DHX57: variants seen among roughly 807,000 people sequenced by gnomAD.
DHX57 encodes putative ATP-dependent RNA helicase DHX57.
In DHX57, 105 loss-of-function variants were observed where a neutral mutation model predicts 156.2. The ratio of observed to expected loss-of-function variants is 0.67; its 90% CI spans 0.57 to 0.79. The LOEUF (loss-of-function observed/expected upper bound fraction) is 0.79. DHX57 is among the 30% of genes least tolerant of loss of function. DHX57 has a pLI of 0.00. For synonymous variants in DHX57, 704 were observed against 595.6 expected, an observed-to-expected ratio of 1.18 and a Z score of -2.65; for missense variants, 1,847 against 1,661.9, an observed-to-expected ratio of 1.11 and a Z score of -1.94.
intron 5 of DHX57, among the ~76,000 whole-genome samples, chr2:38,859,510 T>C (rs1382761533): frequency 9.9e-5 from 15 of 152,206 alleles, no homozygotes; most frequent in Admixed American, 9.8e-4. Context: ...TTGAATTGTG[T>C]ATTTTAAAAG....
intron 19 of DHX57, 126 bp downstream of exon 19, chr2:38,818,750 TA>T: frequency 1.8e-6 from 2 of 1,095,252 alleles, no homozygotes; most frequent in Non-Finnish European, 2.6e-6. Flanking sequence ...ACACGGCTGG[TA>T]AGGCCAAACA....
intron 21 of DHX57, among the ~76,000 whole-genome samples, chr2:38,813,411 C>G (rs1489212677): frequency 6.6e-6 from 1 of 151,406 alleles, no homozygotes; most frequent in Non-Finnish European, 1.5e-5. Context: ...CCATCTGTCA[C>G]CCAGGCTGGA....
chr2:38,801,891 C>T (rs941175361), intron 23 of DHX57, among the ~76,000 whole-genome samples: 1 of 152,132 alleles, frequency 6.6e-6, no homozygotes, highest in African/African-American at 2.4e-5. Context: ...GCCACCGCAC[C>T]TGGGTGAAGT....
intron 9 of DHX57, among the ~76,000 whole-genome samples, chr2:38,852,774 C>T (rs757063864): frequency 1.3e-5 from 2 of 152,018 alleles, no homozygotes; most frequent in Non-Finnish European, 2.9e-5. Flanking sequence ...ACCACTGTGT[C>T]TGGCAAGAAT....
At chr2:38,817,911 T>C (rs1001984504) in intron 19 of DHX57, among the ~76,000 whole-genome samples, 4 of 151,396 alleles carry the variant, frequency 2.6e-5, no homozygotes, top group African/African-American at 9.7e-5. Context: ...TTTCCGAGGA[T>C]GGTCTCAAAT....
At chr2:38,857,371 A>G (rs953524859) in intron 6 of DHX57, among the ~76,000 whole-genome samples, 1 of 152,192 alleles carries the variant, frequency 6.6e-6, no homozygotes, top group South Asian at 2.1e-4. Context: ...ATGCTATAAA[A>G]ATTGCCTTGT....
chr2:38,847,304 T>G lies in DHX57; in HGVS notation c.2165-231A>C, dbSNP rs72911302. ...AGAGAAATGATCCTTTGCTAAGACT[T>G]TTTTTCTTTTACCTGTTACACCTTT... On this transcript the variant is annotated intron_variant, in intron 10 of 23. Coordinates refer to ENST00000457308, the MANE Select transcript of DHX57 (RefSeq NM_198963.3). 4.1e-3 allele frequency among the ~76,000 whole-genome samples: 618 copies of G among 152,250 alleles called. 3 individuals are homozygous for G. Among genetic ancestry groups the G allele is most frequent in the African/African-American group, 0.014 (586 of 41,554 alleles).
At chr2:38,807,866 G>A (rs1310302732) in intron 21 of DHX57, among the ~76,000 whole-genome samples, 4 of 147,596 alleles carry the variant, frequency 2.7e-5, no homozygotes, top group African/African-American at 7.5e-5. Context: ...GGCTGGTCTC[G>A]AACTCCTGAC....
intron 5 of DHX57, 85 bp downstream of exon 5, chr2:38,860,914 G>A: frequency 8.2e-6 from 10 of 1,225,182 alleles, no homozygotes; most frequent in Non-Finnish European, 1.1e-5. Flanking sequence ...AGATCACTAA[G>A]CCATCCTAGA....
chr2:38,832,007 G>C (rs1469606042), intron 13 of DHX57, among the ~76,000 whole-genome samples: 1 of 152,110 alleles, frequency 6.6e-6, no homozygotes, highest in Non-Finnish European at 1.5e-5. Flanking sequence ...GGGCGACAGA[G>C]CAAGACTGTC....
chr2:38,810,589 T>C (rs1670191686), intron 21 of DHX57: 1 of 598,050 alleles, frequency 1.7e-6, no homozygotes, highest in East Asian at 3.8e-5. Context: ...TGGGGGCTCC[T>C]GGCAGAGGAT....
intron 17 of DHX57, 93 bp from the exon 18 acceptor site, chr2:38,819,237 C>G (rs1013711902): frequency 1.8e-6 from 2 of 1,136,822 alleles, no homozygotes; most frequent in African/African-American, 3.1e-5. Flanking sequence ...TGCAGTGGTG[C>G]GATCATAGCC....
chr2:38,823,406 C>G, intron 16 of DHX57, 137 bp from the exon 17 acceptor site: 1 of 862,402 alleles, frequency 1.2e-6, no homozygotes, highest in Non-Finnish European at 1.7e-6. Context: ...CTACTTCTAC[C>G]AATAAACCAC....
At chr2:38,810,069 T>C (rs1670161940) in intron 21 of DHX57, among the ~76,000 whole-genome samples, 1 of 151,420 alleles carries the variant, frequency 6.6e-6, no homozygotes, top group Non-Finnish European at 1.5e-5. Flanking sequence ...AATTTTTGTA[T>C]TTTTTAGTAG....
intron 1 of DHX57, among the ~76,000 whole-genome samples, chr2:38,873,718 A>G (rs1558412460): frequency 6.6e-6 from 1 of 152,268 alleles, no homozygotes; most frequent in Non-Finnish European, 1.5e-5. Flanking sequence ...TCCTGGGGAT[A>G]TAACAGCAAA....
intron 13 of DHX57, among the ~76,000 whole-genome samples, chr2:38,830,714 G>A (rs1422445722): frequency 6.6e-6 from 1 of 151,970 alleles, no homozygotes; most frequent in African/African-American, 2.4e-5. Context: ...AGTAAGCATG[G>A]AGCTTGGACA....
chr2:38,856,444 C>T lies in DHX57; in HGVS notation c.1605G>A (p.Gln535=). Residue 535 remains glutamine, a synonymous_variant, in exon 7 of 24, where the codon CAG becomes CAA. Transcript: ENST00000457308. ...GTGATTGCCTCTCTTGCAGAATGGACTGGAACTGTCTGGAAGCCTAATAAA... is the reference window on the plus strand; with the variant it reads ...GTGATTGCCTCTCTTGCAGAATGGATTGGAACTGTCTGGAAGCCTAATAAA... ...FRMKQASRQF[Q]SILQERQSLP... 2 of 1,609,814 alleles carry T rather than the reference C, an allele frequency of 1.2e-6. No individual in the cohort carries two copies. Among genetic ancestry groups the T allele is most frequent in the Non-Finnish European group, 1.7e-6 (2 of 1,179,084 alleles).
chr2:38,802,795 C>T lies in DHX57; in HGVS notation c.3937G>A (p.Val1313Met), dbSNP rs1209527160. ...TCTCCTCTTTGAAGCTGCACATTCACTTGGCCTCCTCCAAACAAGACCAGC... is the reference window on the plus strand; with the variant it reads ...TCTCCTCTTTGAAGCTGCACATTCATTTGGCCTCCTCCAAACAAGACCAGC... ...YPLVLFGGGQ[V>M]NVQLQRGEFV... is the part of the protein sequence containing the mutation. Residue 1313 changes from valine (V) to methionine (M), a missense_variant, in exon 23 of 24, where the codon GTG becomes ATG. Physicochemically the swap from Val to Met is conservative, Grantham distance 21. Coordinates refer to ENST00000457308, the MANE Select transcript of DHX57 (RefSeq NM_198963.3). 1 of 1,614,082 alleles carries T rather than the reference C, an allele frequency of 6.2e-7. No homozygotes were observed. Among genetic ancestry groups the T allele is most frequent in the Non-Finnish European group, 8.5e-7 (1 of 1,180,032 alleles).
At chr2:38,813,534 C>A in intron 21 of DHX57, among the ~76,000 whole-genome samples, 1 of 151,682 alleles carries the variant, frequency 6.6e-6, no homozygotes, top group East Asian at 2.0e-4. Flanking sequence ...CCATGCCTGG[C>A]TAATTTTTTT....
Sources: allele counts gnomAD v4.1 joint callset (sites outside exome capture counted in the v4.1 genomes callset), GRCh38; gene constraint gnomAD v4.1.1; transcripts MANE v1.5; gene names NCBI Gene and HGNC (gene_info 2026-07-23, HGNC 2026-07-21).